Variants in ITGA11 observed in about 807,000 individuals in gnomAD.
ITGA11 encodes integrin alpha-11.
Under a neutral mutation model 141.9 loss-of-function variants are expected in ITGA11, and 97 were observed. That is an observed-to-expected ratio of 0.68 (90% CI 0.58 to 0.81). ITGA11 has a LOEUF of 0.81. ITGA11 is among the 30% of genes least tolerant of loss of function. ITGA11 has a pLI of 0.00. For missense variants in ITGA11, 1,387 were observed against 1,559.2 expected, an observed-to-expected ratio of 0.89 and a Z score of 1.86; for synonymous variants, 658 against 624.6, an observed-to-expected ratio of 1.05 and a Z score of -0.80.
intron 6 of ITGA11, 82 bp downstream of exon 6, chr15:68,358,376 A>T (rs1895134135): frequency 4.2e-6 from 6 of 1,435,402 alleles, no homozygotes; most frequent in Non-Finnish European, 5.6e-6. Context: ...GCATGCAAAG[A>T]TCTCTCTTAG....
At chr15:68,411,115 T>C (rs1019167458) in intron 1 of ITGA11, among the ~76,000 whole-genome samples, 1 of 152,152 alleles carries the variant, frequency 6.6e-6, no homozygotes, top group African/African-American at 2.4e-5. Flanking sequence ...GGAGTGAATA[T>C]TTAAGTAATA....
rs149696348 is a variant in ITGA11 at position 68,382,887 on chromosome 15, C to T, written c.165-13603G>A. On this transcript the variant is annotated intron_variant, in intron 2 of 29. Coordinates refer to ENST00000315757, the MANE Select transcript of ITGA11 (RefSeq NM_001004439.2). ...TGTCAAGATGGCCTCAGGTTGATAA[C>T]AAGCATCTTGCTATTGGTTATGTGT... 1.8e-4 allele frequency among the ~76,000 whole-genome samples: 28 copies of T among 152,340 alleles called. 2 individuals carry two copies. The East Asian group carries it at 5.2e-3, about 28-fold the overall frequency.
chr15:68,412,122 C>T (rs1896784036), intron 1 of ITGA11, among the ~76,000 whole-genome samples: 1 of 152,122 alleles, frequency 6.6e-6, no homozygotes, highest in Non-Finnish European at 1.5e-5. Context: ...TTATTGGTTA[C>T]AGGACATTAT....
At chr15:68,419,267 G>A (rs941605459) in intron 1 of ITGA11, among the ~76,000 whole-genome samples, 1 of 152,134 alleles carries the variant, frequency 6.6e-6, no homozygotes, top group Non-Finnish European at 1.5e-5. Flanking sequence ...GTTGCAAAAC[G>A]ATCTCAAATG....
At chr15:68,401,106 T>A (rs561281071) in intron 2 of ITGA11, among the ~76,000 whole-genome samples, 7 of 149,368 alleles carry the variant, frequency 4.7e-5, no homozygotes, top group African/African-American at 1.7e-4. Flanking sequence ...TTATGAAAAG[T>A]TGGTCAACAT....
intron 2 of ITGA11, among the ~76,000 whole-genome samples, chr15:68,391,020 C>T (rs971321249): frequency 6.6e-6 from 1 of 152,198 alleles, no homozygotes; most frequent in Non-Finnish European, 1.5e-5. Context: ...GGATCAACAC[C>T]CATAGGGTCC....
At chr15:68,360,840 C>T (rs895257127) in intron 5 of ITGA11, among the ~76,000 whole-genome samples, 8 of 152,196 alleles carry the variant, frequency 5.3e-5, no homozygotes, top group Non-Finnish European at 1.0e-4. Flanking sequence ...CTTCCTCCTC[C>T]TCCCTTCCCC....
At chr15:68,357,386 T>A (rs1895104786) in intron 6 of ITGA11, 87 bp from the exon 7 acceptor site, 1 of 1,491,434 alleles carries the variant, frequency 6.7e-7, no homozygotes, top group Admixed American at 2.1e-5. Flanking sequence ...CCCCGGGAGT[T>A]GTCTCTGTGT....
rs1231087228 is a variant in ITGA11 at position 68,322,766 on chromosome 15, CAGG to C, written c.2323-1266_2323-1264del. ...GTCCCAGCTACTCGGGAGGCTGAGGCAGGAGAATTGCTTGAACTCAGGCAGAGG... is the reference window on the plus strand; with the variant it reads ...GTCCCAGCTACTCGGGAGGCTGAGGCAGAATTGCTTGAACTCAGGCAGAGG... On this transcript the variant is annotated intron_variant, in intron 18 of 29. Coordinates refer to ENST00000315757, the MANE Select transcript of ITGA11 (RefSeq NM_001004439.2). The surrounding 1 kb of genome is among the most constrained non-coding windows in gnomAD (Gnocchi z 5.6). Among the ~76,000 whole-genome samples the C allele has an allele frequency of 2.6e-5, 4 of 151,038 alleles. 1 individual carries two copies. The South Asian group carries it at 6.3e-4, about 24-fold the overall frequency.
At chr15:68,312,301 G>T (rs1302708454) in intron 24 of ITGA11, among the ~76,000 whole-genome samples, 1 of 152,128 alleles carries the variant, frequency 6.6e-6, no homozygotes, top group Non-Finnish European at 1.5e-5. Flanking sequence ...TAAGGAGGGA[G>T]CATGCTCTTC....
chr15:68,424,921 G>A (rs1223396388), intron 1 of ITGA11, among the ~76,000 whole-genome samples: 10 of 152,350 alleles, frequency 6.6e-5, no homozygotes, highest in Non-Finnish European at 8.8e-5. Flanking sequence ...CAGCTCTGGC[G>A]TGTGCCTTTA....
intron 2 of ITGA11, among the ~76,000 whole-genome samples, chr15:68,386,103 C>A (rs1280057957): frequency 6.6e-6 from 1 of 152,170 alleles, no homozygotes. Flanking sequence ...GGAGTCTCCA[C>A]AAGTAGAAGA....
At chr15:68,386,204 C>A (rs540856144) in intron 2 of ITGA11, among the ~76,000 whole-genome samples, 2 of 152,304 alleles carry the variant, frequency 1.3e-5, no homozygotes, top group East Asian at 1.9e-4. Context: ...TGGTCCACTT[C>A]AGGGGCCATG....
intron 13 of ITGA11, 66 bp downstream of exon 13, chr15:68,332,272 G>A: frequency 6.5e-7 from 1 of 1,528,536 alleles, no homozygotes; most frequent in South Asian, 1.2e-5. Flanking sequence ...TTTCCGTCGT[G>A]GCTACCCAAG....
At chr15:68,313,492 CA>C (rs1456384125) in intron 23 of ITGA11, among the ~76,000 whole-genome samples, 1 of 152,156 alleles carries the variant, frequency 6.6e-6, no homozygotes, top group African/African-American at 2.4e-5. Flanking sequence ...TTGCCTATGC[CA>C]GGGGTGGACG....
chr15:68,309,736 G>A (rs1419886760), intron 26 of ITGA11, among the ~76,000 whole-genome samples: 1 of 151,604 alleles, frequency 6.6e-6, no homozygotes, highest in African/African-American at 2.4e-5. Context: ...GACTACAGAC[G>A]CCCACCACCA....
intron 21 of ITGA11, 23 bp downstream of exon 21, chr15:68,317,242 C>T (rs1209548960): frequency 1.9e-6 from 3 of 1,561,632 alleles, no homozygotes; most frequent in Non-Finnish European, 2.6e-6. Context: ...CTGACCCTCC[C>T]CCACATTGTC....
intron 1 of ITGA11, among the ~76,000 whole-genome samples, chr15:68,414,580 A>G (rs912859464): frequency 6.6e-5 from 10 of 152,268 alleles, no homozygotes; most frequent in Admixed American, 5.9e-4. Flanking sequence ...GGTGGTCTAC[A>G]AACATTTCCA....
chr15:68,398,825 A>T (rs1441365252), intron 2 of ITGA11, among the ~76,000 whole-genome samples: 1 of 188 alleles, frequency 5.3e-3, no homozygotes, highest in Non-Finnish European at 0.014. Flanking sequence ...TAATAGTATA[A>T]AATATAAATA....
Sources: allele counts gnomAD v4.1 joint callset (sites outside exome capture counted in the v4.1 genomes callset), GRCh38; gene constraint gnomAD v4.1.1; non-coding constraint Gnocchi (gnomAD v3.1); transcripts MANE v1.5; gene names NCBI Gene and HGNC (gene_info 2026-07-23, HGNC 2026-07-21).